NYAP2: variants seen among roughly 807,000 people sequenced by gnomAD.
NYAP2 encodes the protein neuronal tyrosine-phosphorylated phosphoinositide-3-kinase adapter 2.
In NYAP2, 23 loss-of-function variants were observed where a neutral mutation model predicts 50.4. That is an observed-to-expected ratio of 0.46 (90% CI 0.33 to 0.65). The LOEUF is 0.65. Among genes scored for constraint, NYAP2 ranks in the 30% least tolerant of loss-of-function variants. NYAP2 has a pLI of 0.02. For missense variants in NYAP2, 885 were observed against 861.0 expected (o/e 1.03, Z -0.35); for synonymous variants, 394 against 365.2 (o/e 1.08, Z -0.90).
the NYAP2 span, among the ~76,000 whole-genome samples, chr2:225,688,228 T>A: frequency 3.9e-5 from 6 of 152,198 alleles, no homozygotes; most frequent in Non-Finnish European, 7.3e-5. Flanking sequence ...TCAGGTTAGA[T>A]GCCTCCTGGG....
the NYAP2 span, among the ~76,000 whole-genome samples, chr2:225,670,444 A>G: frequency 6.6e-6 from 1 of 152,064 alleles, no homozygotes; most frequent in Non-Finnish European, 1.5e-5. Flanking sequence ...GGATTACTAA[A>G]TGAGTCTTTA....
chr2:225,607,046 G>A (rs1692798564), intron 5 of NYAP2, among the ~76,000 whole-genome samples: 1 of 152,048 alleles, frequency 6.6e-6, no homozygotes, highest in African/African-American at 2.4e-5. Flanking sequence ...ACTTCAGTAG[G>A]GGGACACTTC....
Position 225,513,645 on chromosome 2 carries a change from A to T in NYAP2, c.496A>T (p.Ser166Cys), listed in dbSNP as rs760339066. ...AGTCAGCAGCACTGCAGCCAGTAAGAGCGGGAAAACCCCTGAGAGGACTGA... is the reference window on the plus strand; with the variant it reads ...AGTCAGCAGCACTGCAGCCAGTAAGTGCGGGAAAACCCCTGAGAGGACTGA... The change falls in exon 4 of 7, where the codon AGC (serine) becomes TGC (cysteine). Residue 166 changes from serine (S) to cysteine (C), a missense_variant. Ser to Cys is a moderately radical substitution (Grantham distance 112). Coordinates refer to ENST00000636099, the Ensembl canonical transcript of NYAP2. 2.0e-6 allele frequency: 3 copies of T among 1,521,572 alleles called. No individual in the cohort carries two copies. In the East Asian group the frequency reaches 6.9e-5, roughly 35 times the overall value. 94.3% of individuals were successfully genotyped at this position (1,521,572 alleles called of 1,614,324 possible).
At chr2:225,536,067 T>C (rs1559207642) in intron 4 of NYAP2, among the ~76,000 whole-genome samples, 1 of 152,232 alleles carries the variant, frequency 6.6e-6, no homozygotes, top group Non-Finnish European at 1.5e-5. Context: ...GCTTAAATTA[T>C]AAACATAGCA....
intron 5 of NYAP2, among the ~76,000 whole-genome samples, chr2:225,619,116 T>A (rs914516302): frequency 6.6e-6 from 1 of 152,224 alleles, no homozygotes; most frequent in Non-Finnish European, 1.5e-5. Context: ...TTAGCATTGC[T>A]ATGTAAGGAA....
At chr2:225,475,541 A>G (rs1293474429) in intron 3 of NYAP2, among the ~76,000 whole-genome samples, 2 of 152,208 alleles carry the variant, frequency 1.3e-5, no homozygotes, top group Non-Finnish European at 2.9e-5. Context: ...CAAGAATGGT[A>G]TTTTGACATT....
At position 225,529,897 on chromosome 2, in the gene NYAP2, C is replaced by T. The variant is rs746075127; in HGVS notation, c.523+16225C>T. Among the ~76,000 whole-genome samples the T allele has an allele frequency of 5.3e-5, 8 of 151,614 alleles. No homozygotes were observed. The East Asian group carries it at 5.9e-4, about 11-fold the overall frequency. On this transcript the variant is annotated intron_variant, in intron 4 of 6. Coordinates refer to ENST00000636099, the Ensembl canonical transcript of NYAP2. ...TAATTTTTTGTATTTTTAGTAGAGACGGGGTTTCACCATGTTGGCCAGGAT... is the reference window on the plus strand; with the variant it reads ...TAATTTTTTGTATTTTTAGTAGAGATGGGGTTTCACCATGTTGGCCAGGAT...
the NYAP2 span, among the ~76,000 whole-genome samples, chr2:225,694,438 CA>C: frequency 6.6e-6 from 1 of 151,578 alleles, no homozygotes; most frequent in African/African-American, 2.4e-5. Flanking sequence ...ATATCCAAAA[CA>C]ATGAATGAAA....
At chr2:225,447,578 G>C (rs867975409) in intron 3 of NYAP2, among the ~76,000 whole-genome samples, 1 of 152,130 alleles carries the variant, frequency 6.6e-6, no homozygotes, top group Non-Finnish European at 1.5e-5. Context: ...ATAATGTTGA[G>C]TACATTCTAA....
intron 3 of NYAP2, among the ~76,000 whole-genome samples, chr2:225,478,924 A>G (rs1403087716): frequency 6.6e-6 from 1 of 152,230 alleles, no homozygotes; most frequent in Non-Finnish European, 1.5e-5. Context: ...TTCATGGACC[A>G]AACACAAAAG....
At chr2:225,619,970 A>C (rs761529104) in intron 5 of NYAP2, among the ~76,000 whole-genome samples, 17 of 152,216 alleles carry the variant, frequency 1.1e-4, no homozygotes, top group Non-Finnish European at 1.0e-4. Context: ...TCGCTCATTC[A>C]TTCACTGAAT....
chr2:225,528,515 T>C lies in NYAP2; in HGVS notation c.523+14843T>C, dbSNP rs79605258. On this transcript the variant is annotated intron_variant, in intron 4 of 6. Transcript: ENST00000636099. Reference sequence around the variant, plus strand: ...TCCAGCAGTCCTCAGGCCAAAGAACTTCTAGAACATAAAGATCCAAGTAAA... The same window carrying C: ...TCCAGCAGTCCTCAGGCCAAAGAACCTCTAGAACATAAAGATCCAAGTAAA... Among the ~76,000 whole-genome samples, 629 of 152,284 alleles carry C rather than the reference T, an allele frequency of 4.1e-3. 2 individuals are homozygous for C. The highest frequency in any genetic ancestry group is 0.015 in the African/African-American group (609 of 41,564).
chr2:225,405,728 G>T (rs766024988), intron 2 of NYAP2, among the ~76,000 whole-genome samples: 5 of 151,964 alleles, frequency 3.3e-5, no homozygotes, highest in Non-Finnish European at 7.4e-5. Context: ...GGGTTTGAGA[G>T]ATGGGATGAG....
At chr2:225,608,393 G>A (rs983320224) in intron 5 of NYAP2, among the ~76,000 whole-genome samples, 3 of 152,032 alleles carry the variant, frequency 2.0e-5, no homozygotes, top group African/African-American at 7.2e-5. Flanking sequence ...TCCTTCTGGT[G>A]CCTCTCATAC....
At chr2:225,673,264 A>T in the NYAP2 span, among the ~76,000 whole-genome samples, 1 of 152,020 alleles carries the variant, frequency 6.6e-6, no homozygotes, top group Non-Finnish European at 1.5e-5. Flanking sequence ...CTCCCACAAC[A>T]CATGGAAATT....
intron 3 of NYAP2, among the ~76,000 whole-genome samples, chr2:225,510,530 G>T (rs1690792375): frequency 1.3e-5 from 2 of 152,174 alleles, no homozygotes; most frequent in Non-Finnish European, 2.9e-5. Flanking sequence ...GAAACTAGTT[G>T]TATGCTGCAT....
intron 5 of NYAP2, among the ~76,000 whole-genome samples, chr2:225,616,511 A>G (rs973108450): frequency 6.6e-6 from 1 of 152,000 alleles, no homozygotes. Context: ...GTTTTAAAAT[A>G]CTCTGTGATA....
chr2:225,445,785 G>T (rs1689543164), intron 3 of NYAP2, among the ~76,000 whole-genome samples: 1 of 151,838 alleles, frequency 6.6e-6, no homozygotes, highest in East Asian at 1.9e-4. Context: ...TTACAAAGAA[G>T]AAATTAAATT....
intron 3 of NYAP2, among the ~76,000 whole-genome samples, chr2:225,449,062 TTAAGA>T (rs1178084491): frequency 1.2e-4 from 18 of 152,216 alleles, no homozygotes; most frequent in Non-Finnish European, 8.8e-5. Flanking sequence ...TTTATAATAA[TTAAGA>T]TAACAGTCAG....
Sources: allele counts gnomAD v4.1 joint callset (sites outside exome capture counted in the v4.1 genomes callset), GRCh38; gene constraint gnomAD v4.1.1; transcripts MANE v1.5; gene names NCBI Gene and HGNC (gene_info 2026-07-23, HGNC 2026-07-21).